The following GTF2F2 variants were observed in gnomAD, a reference collection of about 807,000 sequenced individuals.
The protein encoded by GTF2F2 is general transcription factor IIF subunit 2, also known as ATP-dependent helicase GTF2F2.
A neutral mutation model predicts 42.2 loss-of-function variants in GTF2F2; 23 were observed. The ratio of observed to expected loss-of-function variants is 0.55; its 90% confidence interval spans 0.39 to 0.77. GTF2F2 has a LOEUF of 0.77. Among genes scored for constraint, GTF2F2 ranks in the 30% least tolerant of loss-of-function variants. The pLI is 0.00. For synonymous variants in GTF2F2, 105 were observed against 100.8 expected (o/e 1.04, Z -0.25); for missense variants, 261 against 287.2 (o/e 0.91, Z 0.66).
chr13:45,191,253 A>G (rs1310261205), intron 4 of GTF2F2, among the ~76,000 whole-genome samples: 2 of 138,572 alleles, frequency 1.4e-5, no homozygotes, highest in African/African-American at 5.7e-5. Context: ...ATATATATAT[A>G]TAGCCATAAT....
chr13:45,261,067 A>C (rs1243139117), intron 6 of GTF2F2, among the ~76,000 whole-genome samples: 1 of 152,028 alleles, frequency 6.6e-6, no homozygotes, highest in Non-Finnish European at 1.5e-5. Flanking sequence ...CGGAGGCTGC[A>C]GTGAGGTGAG....
chr13:45,164,091 C>G (rs1219576141), intron 4 of GTF2F2, among the ~76,000 whole-genome samples: 2 of 152,128 alleles, frequency 1.3e-5, no homozygotes, highest in Non-Finnish European at 2.9e-5. Context: ...ACCAGCCCGG[C>G]CAACTTGGCG....
chr13:45,279,004 G>T (rs1270183449), intron 7 of GTF2F2, among the ~76,000 whole-genome samples: 1 of 151,366 alleles, frequency 6.6e-6, no homozygotes, highest in Non-Finnish European at 1.5e-5. Context: ...TTGTAATTTT[G>T]GTAGAGACGA....
At chr13:45,190,261 T>A (rs1445405639) in intron 4 of GTF2F2, among the ~76,000 whole-genome samples, 1 of 152,240 alleles carries the variant, frequency 6.6e-6, no homozygotes, top group African/African-American at 2.4e-5. Context: ...GTTTTTTAAA[T>A]GACATGACAT....
intron 2 of GTF2F2, among the ~76,000 whole-genome samples, chr13:45,145,882 C>G (rs1489998254): frequency 6.6e-6 from 1 of 152,152 alleles, no homozygotes; most frequent in African/African-American, 2.4e-5. Flanking sequence ...GAGGTTTCTC[C>G]CCTCCTCCAT....
intron 2 of GTF2F2, among the ~76,000 whole-genome samples, chr13:45,148,624 G>C (rs1323799701): frequency 1.3e-5 from 2 of 152,004 alleles, no homozygotes; most frequent in Admixed American, 1.3e-4. Flanking sequence ...GTGCATTGTG[G>C]CTCCCTTAAT....
At chr13:45,271,286 A>T (rs1043565091) in intron 7 of GTF2F2, among the ~76,000 whole-genome samples, 2 of 151,938 alleles carry the variant, frequency 1.3e-5, no homozygotes, top group Non-Finnish European at 2.9e-5. Flanking sequence ...AAAAAGAAAA[A>T]AAAAAAGAAA....
chr13:45,208,619 G>T (rs1409356098), intron 5 of GTF2F2, among the ~76,000 whole-genome samples: 2 of 152,134 alleles, frequency 1.3e-5, no homozygotes, highest in Non-Finnish European at 2.9e-5. Flanking sequence ...AGTGGTAGTG[G>T]CCTGTTGGAT....
chr13:45,249,884 C>A (rs1371292698), intron 5 of GTF2F2, among the ~76,000 whole-genome samples: 2 of 152,030 alleles, frequency 1.3e-5, no homozygotes, highest in Non-Finnish European at 2.9e-5. Context: ...TGTTTCCCAC[C>A]CACTCCCATC....
At chr13:45,235,041 C>CAAAAAAAAAA (rs61077504) in intron 5 of GTF2F2, among the ~76,000 whole-genome samples, 2 of 43,716 alleles carry the variant, frequency 4.6e-5, no homozygotes, top group African/African-American at 7.5e-5. Context: ...GCGGGAAACT[C>CAAAAAAAAAA]AAAAAAAAAA....
chr13:45,221,312 C>A (rs1874103563), intron 5 of GTF2F2, among the ~76,000 whole-genome samples: 2 of 152,064 alleles, frequency 1.3e-5, no homozygotes. Flanking sequence ...ACCCTGAATC[C>A]TACTACACTA....
At chr13:45,194,540 T>C in intron 4 of GTF2F2, 1 of 1,612,714 alleles carries the variant, frequency 6.2e-7, no homozygotes, top group Non-Finnish European at 8.5e-7. Flanking sequence ...TCCTTTTCTT[T>C]TTCTCTTCTG....
intron 4 of GTF2F2, among the ~76,000 whole-genome samples, chr13:45,188,241 A>G (rs1179891513): frequency 6.6e-6 from 1 of 152,156 alleles, no homozygotes; most frequent in Non-Finnish European, 1.5e-5. Flanking sequence ...AACAGCTGCT[A>G]TTATTATTTT....
At chr13:45,202,234 A>G (rs529040835) in intron 4 of GTF2F2, among the ~76,000 whole-genome samples, 4 of 152,168 alleles carry the variant, frequency 2.6e-5, no homozygotes, top group Middle Eastern at 3.4e-3. Flanking sequence ...TAAAAATACA[A>G]AAATTAGCCT....
chr13:45,256,750 C>G (rs137985681), intron 6 of GTF2F2, among the ~76,000 whole-genome samples: 7 of 152,084 alleles, frequency 4.6e-5, no homozygotes, highest in Admixed American at 3.9e-4. Context: ...TAAACGAACA[C>G]AGGTCAGCAA....
intron 6 of GTF2F2, 131 bp downstream of exon 6, chr13:45,253,101 T>C (rs912567496): frequency 1.4e-5 from 7 of 484,012 alleles, no homozygotes; most frequent in Non-Finnish European, 2.6e-5. Flanking sequence ...CAGTACCTGA[T>C]CTGGACTTAG....
intron 7 of GTF2F2, among the ~76,000 whole-genome samples, chr13:45,282,147 G>A (rs1877294884): frequency 6.6e-6 from 1 of 152,034 alleles, no homozygotes; most frequent in Middle Eastern, 3.2e-3. Flanking sequence ...GCAGAGAGCC[G>A]AGATCATGCC....
intron 2 of GTF2F2, among the ~76,000 whole-genome samples, chr13:45,143,525 C>T (rs976361779): frequency 6.6e-6 from 1 of 152,120 alleles, no homozygotes. Flanking sequence ...CTGTTGTAAC[C>T]ACGCATACTA....
chr13:45,264,281 T>TTTTA (rs1231107686), intron 6 of GTF2F2, among the ~76,000 whole-genome samples: 3 of 151,258 alleles, frequency 2.0e-5, no homozygotes, highest in African/African-American at 7.3e-5. Context: ...TATTTTTATT[T>TTTTA]TTTTATTTTT....
Sources: allele counts gnomAD v4.1 joint callset (sites outside exome capture counted in the v4.1 genomes callset), GRCh38; gene constraint gnomAD v4.1.1; transcripts MANE v1.5; gene names NCBI Gene and HGNC (gene_info 2026-07-23, HGNC 2026-07-21).